Variants in SNTG1 observed in about 807,000 individuals in gnomAD.
SNTG1 encodes the protein gamma-1-syntrophin.
SNTG1 carries 39 observed loss-of-function variants against 74.7 expected under a neutral mutation model. The ratio of observed to expected loss-of-function variants is 0.52; its 90% CI spans 0.40 to 0.68. The LOEUF (loss-of-function observed/expected upper bound fraction) is 0.68. SNTG1 is among the 30% of genes least tolerant of loss of function. The pLI, the probability that SNTG1 is intolerant of heterozygous loss-of-function variation, is 0.00. For synonymous variants in SNTG1, 254 were observed against 217.1 expected (o/e 1.17, Z -1.49); for missense variants, 685 against 609.5 (o/e 1.12, Z -1.30).
Position 50,584,913 on chromosome 8 carries a change from G to A in SNTG1, c.811-5966G>A, listed in dbSNP as rs145806101. ...ACCTGGGTGGGCACTGGGTCCATGC[G>A]TTGTTTGTTTCTCTCTGCCTGGAAA... On this transcript the variant is annotated intron_variant, in intron 12 of 18. Transcript: ENST00000642720. Among the ~76,000 whole-genome samples, 1,220 of 152,142 alleles carry A rather than the reference G, an allele frequency of 8.0e-3. 15 individuals are homozygous for A. Among genetic ancestry groups the A allele is most frequent in the African/African-American group, 0.027 (1,113 of 41,500 alleles).
At chr8:50,457,673 A>T (rs988887627) in intron 8 of SNTG1, among the ~76,000 whole-genome samples, 14 of 152,190 alleles carry the variant, frequency 9.2e-5, no homozygotes, top group African/African-American at 3.4e-4. Context: ...GACGGGGGGA[A>T]TCCTGAAGGG....
chr8:50,777,492 T>G (rs2095644359), intron 18 of SNTG1, among the ~76,000 whole-genome samples: 1 of 150,868 alleles, frequency 6.6e-6, no homozygotes, highest in Admixed American at 6.6e-5. Context: ...CTTCCTAGGG[T>G]TTCTGTTTCT....
At chr8:50,505,542 C>A (rs2093998911) in intron 9 of SNTG1, among the ~76,000 whole-genome samples, 1 of 152,056 alleles carries the variant, frequency 6.6e-6, no homozygotes, top group Non-Finnish European at 1.5e-5. Context: ...TTGATAGTGG[C>A]CATTCTAATT....
intron 2 of SNTG1, among the ~76,000 whole-genome samples, chr8:50,226,465 G>T (rs970929427): frequency 4.6e-5 from 7 of 151,964 alleles, no homozygotes; most frequent in African/African-American, 1.7e-4. Context: ...TAAAAGTCTA[G>T]AAACTTTTAA....
intron 13 of SNTG1, among the ~76,000 whole-genome samples, chr8:50,602,814 A>T (rs2094784524): frequency 6.6e-6 from 1 of 152,066 alleles, no homozygotes; most frequent in Non-Finnish European, 1.5e-5. Context: ...TCATCGCTTT[A>T]AACATGCTGT....
chr8:50,309,087 A>C (rs1266113792), intron 2 of SNTG1, among the ~76,000 whole-genome samples: 2 of 152,172 alleles, frequency 1.3e-5, no homozygotes, highest in African/African-American at 4.8e-5. Context: ...AATAAAAAAA[A>C]AATTTTCTAA....
At chr8:50,303,840 T>A (rs900101415) in intron 2 of SNTG1, among the ~76,000 whole-genome samples, 3 of 152,146 alleles carry the variant, frequency 2.0e-5, no homozygotes, top group Admixed American at 2.0e-4. Flanking sequence ...AATTTCAATA[T>A]TAACAACTCC....
At chr8:50,246,491 C>T (rs564018813) in intron 2 of SNTG1, among the ~76,000 whole-genome samples, 5 of 110,540 alleles carry the variant, frequency 4.5e-5, no homozygotes, top group Admixed American at 2.5e-4. Context: ...AGTGAAGAAA[C>T]ATTAGTGTCT....
At chr8:50,244,206 C>T (rs1397041136) in intron 2 of SNTG1, among the ~76,000 whole-genome samples, 3 of 152,020 alleles carry the variant, frequency 2.0e-5, no homozygotes, top group Non-Finnish European at 4.4e-5. Context: ...AGTACCCACT[C>T]GCTATCATGA....
intron 8 of SNTG1, among the ~76,000 whole-genome samples, chr8:50,473,777 C>A (rs1245804493): frequency 6.6e-6 from 1 of 152,056 alleles, no homozygotes; most frequent in Non-Finnish European, 1.5e-5. Flanking sequence ...CATGGATAAA[C>A]CTTGATGACA....
chr8:50,375,150 A>G (rs113390613), intron 2 of SNTG1, among the ~76,000 whole-genome samples: 1 of 152,290 alleles, frequency 6.6e-6, no homozygotes, highest in African/African-American at 2.4e-5. Context: ...GTGTTTTTAA[A>G]CAACATCATT....
At chr8:50,246,950 A>C (rs995241640) in intron 2 of SNTG1, among the ~76,000 whole-genome samples, 6 of 152,130 alleles carry the variant, frequency 3.9e-5, no homozygotes, top group African/African-American at 1.4e-4. Context: ...CAGGATCTTG[A>C]ACTCACTTGT....
At chr8:50,446,903 C>T (rs966179095) in intron 5 of SNTG1, among the ~76,000 whole-genome samples, 12 of 152,258 alleles carry the variant, frequency 7.9e-5, no homozygotes, top group African/African-American at 2.9e-4. Context: ...CTGCATATAA[C>T]ATATTTGCTT....
intron 2 of SNTG1, among the ~76,000 whole-genome samples, chr8:50,270,779 T>A (rs1461591035): frequency 6.6e-6 from 1 of 151,976 alleles, no homozygotes; most frequent in Non-Finnish European, 1.5e-5. Flanking sequence ...TGATTCTGAG[T>A]GTAAAAGAGA....
At chr8:50,517,803 A>T (rs1312130769) in intron 9 of SNTG1, among the ~76,000 whole-genome samples, 1 of 152,160 alleles carries the variant, frequency 6.6e-6, no homozygotes, top group Non-Finnish European at 1.5e-5. Flanking sequence ...CTGATTCATA[A>T]GGCAAATTCT....
chr8:50,343,696 G>T (rs923918971), intron 2 of SNTG1, among the ~76,000 whole-genome samples: 5 of 152,054 alleles, frequency 3.3e-5, no homozygotes, highest in Non-Finnish European at 7.4e-5. Context: ...ATTAATCATT[G>T]ATTAAATTAC....
At chr8:49,979,378 C>G (rs1812474223) in intron 1 of SNTG1, among the ~76,000 whole-genome samples, 1 of 152,234 alleles carries the variant, frequency 6.6e-6, no homozygotes, top group South Asian at 2.1e-4. Context: ...CCAGCAGCAC[C>G]TAAACAGCTT....
At chr8:49,995,559 G>GT (rs1814127593) in intron 1 of SNTG1, among the ~76,000 whole-genome samples, 1 of 152,206 alleles carries the variant, frequency 6.6e-6, no homozygotes, top group Non-Finnish European at 1.5e-5. Context: ...GCAGTTCAGG[G>GT]TTTTTGCAGA....
intron 1 of SNTG1, among the ~76,000 whole-genome samples, chr8:49,952,169 A>T: frequency 6.6e-6 from 1 of 152,180 alleles, no homozygotes; most frequent in East Asian, 1.9e-4. Context: ...TCATTCACAT[A>T]ACTTCCATGT....
Sources: allele counts gnomAD v4.1 joint callset (sites outside exome capture counted in the v4.1 genomes callset), GRCh38; gene constraint gnomAD v4.1.1; transcripts MANE v1.5; gene names NCBI Gene and HGNC (gene_info 2026-07-23, HGNC 2026-07-21).